DIP2B: variants seen among roughly 807,000 people sequenced by gnomAD.
DIP2B encodes disco-interacting protein 2 homolog B.
In DIP2B, 76 loss-of-function variants were observed where a neutral mutation model predicts 198.0. That is an observed-to-expected ratio of 0.38 (90% CI 0.32 to 0.46). DIP2B has a LOEUF of 0.46. Ranked by LOEUF, DIP2B falls within the 20% of genes least tolerant of loss-of-function variation. The probability of loss-of-function intolerance (pLI) is 0.99; values close to 1 mark genes in which losing one functional copy is unlikely to be tolerated. For synonymous variants in DIP2B, 701 were observed against 739.1 expected, an observed-to-expected ratio of 0.95 and a Z score of 0.84; for missense variants, 1,559 against 1,978.4, an observed-to-expected ratio of 0.79 and a Z score of 4.02.
At chr12:50,676,224 A>G (rs1938943279) in intron 7 of DIP2B, among the ~76,000 whole-genome samples, 1 of 152,222 alleles carries the variant, frequency 6.6e-6, no homozygotes, top group East Asian at 1.9e-4. Context: ...ATAGATCTAG[A>G]CAAATAGATC....
At position 50,697,052 on chromosome 12, in the gene DIP2B, A is replaced by G; in HGVS notation, c.1934-9A>G. 1 of 1,610,534 alleles carries G rather than the reference A, an allele frequency of 6.2e-7. No homozygotes were observed. Among genetic ancestry groups the G allele is most frequent in the Non-Finnish European group, 8.5e-7 (1 of 1,177,704 alleles). ...TTCAGCTTCAGGTTGATCTGTTCCA[A>G]CTCCTTAGGGTCCGTGTCATCCTGT... On this transcript the variant is annotated splice_polypyrimidine_tract_variant and intron_variant, in intron 16 of 37. Transcript: ENST00000301180.
At chr12:50,538,154 G>A (rs1958286870) in intron 1 of DIP2B, among the ~76,000 whole-genome samples, 1 of 152,120 alleles carries the variant, frequency 6.6e-6, no homozygotes, top group South Asian at 2.1e-4. Flanking sequence ...TAGATCTCTG[G>A]ATGTGTGGAA....
intron 2 of DIP2B, among the ~76,000 whole-genome samples, chr12:50,628,109 C>T (rs1483107511): frequency 2.6e-5 from 4 of 152,120 alleles, no homozygotes; most frequent in African/African-American, 7.2e-5. Flanking sequence ...TGGAGGCTCA[C>T]GCTGTAATTC....
chr12:50,514,659 C>T (rs923596918), intron 1 of DIP2B, among the ~76,000 whole-genome samples: 12 of 152,056 alleles, frequency 7.9e-5, no homozygotes, highest in African/African-American at 2.9e-4. Flanking sequence ...GACTCTTTGC[C>T]TTCAGCCTAT....
chr12:50,615,867 G>A (rs543927893), intron 1 of DIP2B, among the ~76,000 whole-genome samples: 8 of 152,312 alleles, frequency 5.3e-5, no homozygotes, highest in South Asian at 4.1e-4. Context: ...GCTAGAACCC[G>A]TGCTCTTTCT....
chr12:50,555,372 G>A (rs1463567925), intron 1 of DIP2B, among the ~76,000 whole-genome samples: 2 of 152,114 alleles, frequency 1.3e-5, no homozygotes, highest in Admixed American at 1.3e-4. Flanking sequence ...CCCTGTGTTT[G>A]CCACTTAGGA....
intron 33 of DIP2B, 52 bp from the exon 34 acceptor site, chr12:50,735,021 G>GT: frequency 6.2e-7 from 1 of 1,606,326 alleles, no homozygotes; most frequent in South Asian, 1.1e-5. Flanking sequence ...CAGGAACATG[G>GT]CGACTTCTCC....
intron 25 of DIP2B, among the ~76,000 whole-genome samples, chr12:50,719,894 T>C (rs1350587096): frequency 6.8e-6 from 1 of 147,466 alleles, no homozygotes; most frequent in Non-Finnish European, 1.5e-5. Context: ...TAATATATAT[T>C]ACATTATAAT....
intron 22 of DIP2B, among the ~76,000 whole-genome samples, chr12:50,709,139 A>G (rs1207253458): frequency 1.3e-5 from 2 of 152,216 alleles, no homozygotes; most frequent in African/African-American, 4.8e-5. Context: ...TCCACTTCTT[A>G]CCAGATATGT....
chr12:50,654,462 C>T (rs1350744670), intron 3 of DIP2B, among the ~76,000 whole-genome samples: 2 of 151,354 alleles, frequency 1.3e-5, no homozygotes, highest in African/African-American at 2.4e-5. Context: ...TCAAGTGATC[C>T]TCCTGCCTCA....
intron 3 of DIP2B, among the ~76,000 whole-genome samples, chr12:50,656,363 T>C (rs1416455479): frequency 6.6e-6 from 1 of 152,140 alleles, no homozygotes; most frequent in East Asian, 1.9e-4. Context: ...CTCATGAGCA[T>C]GGAATATCTT....
At chr12:50,739,672 G>T in intron 36 of DIP2B, 86 bp downstream of exon 36, 1 of 1,516,954 alleles carries the variant, frequency 6.6e-7, no homozygotes, top group Non-Finnish European at 9.0e-7. Flanking sequence ...GGATTGTGGA[G>T]TGTGTCTATT....
intron 1 of DIP2B, among the ~76,000 whole-genome samples, chr12:50,522,734 T>A (rs1958131836): frequency 6.6e-6 from 1 of 152,274 alleles, no homozygotes; most frequent in Non-Finnish European, 1.5e-5. Flanking sequence ...TGACAAGGAA[T>A]GTGTGATATA....
At position 50,745,449 on chromosome 12, in the gene DIP2B, A is replaced by G. The variant is rs1340325821; in HGVS notation, c.*610A>G. 6.5e-6 allele frequency: 1 copy of G among 152,900 alleles called. No individual in the cohort carries two copies. Among genetic ancestry groups the G allele is most frequent in the African/African-American group, 2.4e-5 (1 of 41,478 alleles). 9.5% of individuals were successfully genotyped at this position (152,900 alleles called of 1,614,324 possible). ...AGAGATTTGAAGAATTGGCTTGTAT[A>G]GTTATAACAACCACAGTAGAAACAT... On this transcript the variant is annotated 3_prime_UTR_variant, in exon 38 of 38. Transcript: ENST00000301180.
intron 1 of DIP2B, among the ~76,000 whole-genome samples, chr12:50,589,425 G>A (rs1565835379): frequency 6.6e-6 from 1 of 151,616 alleles, no homozygotes; most frequent in Non-Finnish European, 1.5e-5. Flanking sequence ...TCAAACTCCT[G>A]ACCTCGGCGT....
chr12:50,657,123 C>T (rs924833734), intron 3 of DIP2B: 4 of 149,436 alleles, frequency 2.7e-5, no homozygotes, highest in East Asian at 3.9e-4. Context: ...TGGCCCACAC[C>T]TGTAATCCTA....
At chr12:50,536,178 TAGC>T (rs1958264393) in intron 1 of DIP2B, among the ~76,000 whole-genome samples, 1 of 152,126 alleles carries the variant, frequency 6.6e-6, no homozygotes, top group Admixed American at 6.6e-5. Context: ...TGTGTCTTTA[TAGC>T]AGCATGATTT....
chr12:50,609,356 T>TG (rs1208616890), intron 1 of DIP2B, among the ~76,000 whole-genome samples: 1 of 152,226 alleles, frequency 6.6e-6, no homozygotes, highest in Non-Finnish European at 1.5e-5. Flanking sequence ...GTACATGTAG[T>TG]GAAGACCCCA....
intron 30 of DIP2B, among the ~76,000 whole-genome samples, chr12:50,730,317 CTCTT>C (rs1384947583): frequency 8.6e-5 from 13 of 151,946 alleles, no homozygotes; most frequent in Admixed American, 6.6e-4. Flanking sequence ...CAGTTGAATA[CTCTT>C]TCTTTTTCTT....
Sources: gnomAD v4.1 joint callset for allele counts (sites outside exome capture counted in the v4.1 genomes callset) on GRCh38, gnomAD v4.1.1 for gene constraint, MANE v1.5 for transcripts, NCBI Gene and HGNC (gene_info 2026-07-23, HGNC 2026-07-21) for gene names.